Variants in KCNK5 observed in about 807,000 individuals in gnomAD.
KCNK5 encodes the protein potassium channel subfamily K member 5.
KCNK5 carries 18 observed loss-of-function variants against 32.9 expected under a neutral mutation model. The observed-to-expected ratio is 0.55, with a 90% confidence interval of 0.38 to 0.81. The LOEUF (loss-of-function observed/expected upper bound fraction) is 0.81. Ranked by LOEUF, KCNK5 falls within the 30% of genes least tolerant of loss-of-function variation. The pLI, the probability that KCNK5 is intolerant of heterozygous loss-of-function variation, is 0.00. For synonymous variants in KCNK5, 276 were observed against 275.3 expected (o/e 1.00, Z -0.03); for missense variants, 507 against 651.0 (o/e 0.78, Z 2.41).
At chr6:39,211,918 C>T (rs572951329) in intron 1 of KCNK5, among the ~76,000 whole-genome samples, 1 of 151,736 alleles carries the variant, frequency 6.6e-6, no homozygotes, top group Non-Finnish European at 1.5e-5. Context: ...GAGCTGAGAT[C>T]GTACCATTGC....
chr6:39,207,273 T>C (rs1011114827), intron 1 of KCNK5, among the ~76,000 whole-genome samples: 1 of 152,236 alleles, frequency 6.6e-6, no homozygotes, highest in Non-Finnish European at 1.5e-5. Context: ...ACTAGGCATC[T>C]GTTTCTCTGG....
At chr6:39,193,295 C>G (rs1347115804) in intron 4 of KCNK5, among the ~76,000 whole-genome samples, 1 of 152,200 alleles carries the variant, frequency 6.6e-6, no homozygotes, top group Non-Finnish European at 1.5e-5. Flanking sequence ...CCGGACTTGG[C>G]AGGGTCAGGG....
intron 1 of KCNK5, among the ~76,000 whole-genome samples, chr6:39,209,392 C>T (rs575633658): frequency 6.6e-6 from 1 of 152,308 alleles, no homozygotes; most frequent in South Asian, 2.1e-4. Context: ...TATGCATTGC[C>T]CCCGCCCACC....
intron 1 of KCNK5, among the ~76,000 whole-genome samples, chr6:39,219,077 C>G: frequency 6.6e-6 from 1 of 152,192 alleles, no homozygotes; most frequent in Non-Finnish European, 1.5e-5. Flanking sequence ...TCCTTGAAAG[C>G]AAAAACCACG....
rs369438047 is a variant in KCNK5 at position 39,194,720 on chromosome 6, G to A, written c.339C>T (p.Leu113=). The A allele has an allele frequency of 1.2e-6, 2 of 1,614,140 alleles. No individual in the cohort carries two copies. Among genetic ancestry groups the A allele is most frequent in the Non-Finnish European group, 1.7e-6 (2 of 1,180,040 alleles). The change falls in exon 3 of 5, where the codon CTC becomes CTT. Residue 113 remains leucine (L), a synonymous_variant. Coordinates refer to ENST00000359534, the MANE Select transcript of KCNK5 (RefSeq NM_003740.4). This position sits in a 1 kb window ranked among gnomAD's most constrained non-coding sequence, Gnocchi z 4.7. ...NVAPKTPAGR[L]FCVFYGLFGV... ...CGAAGAGACCATAGAAAACACAGAA[G>A]AGGCGACCGGCGGGGGTCTTGGGAG...
At position 39,191,427 on chromosome 6, in the gene KCNK5, C is replaced by G. The variant is rs199818193; in HGVS notation, c.963G>C (p.Thr321=). ...GAGGCCCCAGCCCTGGGCCCGGGCCCGTCTCCCCACCCCCGCTTGTCTTCA... is the reference window on the plus strand; with the variant it reads ...GAGGCCCCAGCCCTGGGCCCGGGCCGGTCTCCCCACCCCCGCTTGTCTTCA... ...KAMKTSGGGE[T]GPGPGLGPQG... The change falls in exon 5 of 5, where the codon ACG becomes ACC. Residue 321 remains threonine, a synonymous_variant. Coordinates refer to ENST00000359534, the MANE Select transcript of KCNK5 (RefSeq NM_003740.4). This position sits in a 1 kb window ranked among gnomAD's most constrained non-coding sequence, Gnocchi z 5.8. 1.2e-6 allele frequency: 2 copies of G among 1,613,216 alleles called. No homozygotes were observed. Among genetic ancestry groups the G allele is most frequent in the Non-Finnish European group, 8.5e-7 (1 of 1,179,926 alleles).
At position 39,212,797 on chromosome 6, in the gene KCNK5, G is replaced by A. The variant is rs147143615; in HGVS notation, c.186+16129C>T. Among the ~76,000 whole-genome samples, 165 of 152,306 alleles carry A rather than the reference G, an allele frequency of 1.1e-3. 1 individual carries two copies. The highest frequency in any genetic ancestry group is 3.8e-3 in the African/African-American group (159 of 41,562). On this transcript the variant is annotated intron_variant, in intron 1 of 4. Transcript: ENST00000359534. ...TGGTATACTACCTCCAACTTGGTCT[G>A]CAGACCAAAGGCTCACCTAGTTTCT...
chr6:39,227,804 G>A (rs1031334565), intron 1 of KCNK5, among the ~76,000 whole-genome samples: 4 of 152,092 alleles, frequency 2.6e-5, no homozygotes, highest in Non-Finnish European at 5.9e-5. Context: ...AATGAGCGAC[G>A]ACTAGATAGG....
chr6:39,194,147 G>A lies in KCNK5; in HGVS notation c.634+22C>T. 1 of 1,613,792 alleles carries A rather than the reference G, an allele frequency of 6.2e-7. No homozygotes were observed. Among genetic ancestry groups the A allele is most frequent in the South Asian group, 1.1e-5 (1 of 91,062 alleles). On this transcript the variant is annotated intron_variant, in intron 4 of 4. Coordinates refer to ENST00000359534, the MANE Select transcript of KCNK5 (RefSeq NM_003740.4). The surrounding 1 kb of genome is among the most constrained non-coding windows in gnomAD (Gnocchi z 4.7). ...AACCAAAGAAGCAGAAAAAGAGGTGGGAGGCAGAGGCAGGGACTCACCGGC... is the reference window on the plus strand; with the variant it reads ...AACCAAAGAAGCAGAAAAAGAGGTGAGAGGCAGAGGCAGGGACTCACCGGC...
chr6:39,224,447 T>A (rs1771615125), intron 1 of KCNK5, among the ~76,000 whole-genome samples: 1 of 152,182 alleles, frequency 6.6e-6, no homozygotes, highest in Non-Finnish European at 1.5e-5. Context: ...TGTCATATAT[T>A]TCATGGTTTT....
rs190030885 is a variant in KCNK5, at chr6:39,200,167, G to A, written c.187-4180C>T. On this transcript the variant is annotated intron_variant, in intron 1 of 4. Coordinates refer to ENST00000359534, the MANE Select transcript of KCNK5 (RefSeq NM_003740.4). Reference sequence around the variant, plus strand: ...GGGGTTAGGGAAACAGCTTTCGCGGGAGGAGGCGGCCCCTGTTCACTGGCT... The same window carrying A: ...GGGGTTAGGGAAACAGCTTTCGCGGAAGGAGGCGGCCCCTGTTCACTGGCT... Among the ~76,000 whole-genome samples, 23 of 152,336 alleles carry A rather than the reference G, an allele frequency of 1.5e-4. No homozygotes were observed. The East Asian group carries it at 4.1e-3, about 27-fold the overall frequency.
chr6:39,218,832 C>T (rs936049007), intron 1 of KCNK5, among the ~76,000 whole-genome samples: 2 of 152,172 alleles, frequency 1.3e-5, no homozygotes, highest in African/African-American at 4.8e-5. Flanking sequence ...TGGGCCTCCC[C>T]GCCAACTGCA....
Position 39,191,941 on chromosome 6 carries a change from C to T in KCNK5, c.635-186G>A, listed in dbSNP as rs1482226238. The stretch of plus-strand genomic sequence containing the variant: ...TTCCTCAAGGGCTTGGGCCTGCCAT[C>T]ATTCATGACCCCATCCCAGTCTCCA... On this transcript the variant is annotated intron_variant, in intron 4 of 4. Coordinates refer to ENST00000359534, the MANE Select transcript of KCNK5 (RefSeq NM_003740.4). This position sits in a 1 kb window ranked among gnomAD's most constrained non-coding sequence, Gnocchi z 5.8. Among the ~76,000 whole-genome samples, 1 of 152,112 alleles carries T rather than the reference C, an allele frequency of 6.6e-6. No individual in the cohort carries two copies. Among genetic ancestry groups the T allele is most frequent in the Non-Finnish European group, 1.5e-5 (1 of 68,028 alleles).
chr6:39,206,250 T>A (rs1422097572), intron 1 of KCNK5, among the ~76,000 whole-genome samples: 3 of 152,204 alleles, frequency 2.0e-5, no homozygotes, highest in African/African-American at 7.2e-5. Context: ...GCAGGGAATG[T>A]GCAGGTAGAC....
Position 39,194,212 on chromosome 6 carries a change from G to A in KCNK5, c.591C>T (p.Ser197=). 1 of 1,614,192 alleles carries A rather than the reference G, an allele frequency of 6.2e-7. No homozygotes were observed. Among genetic ancestry groups the A allele is most frequent in the Non-Finnish European group, 8.5e-7 (1 of 1,180,024 alleles). The change falls in exon 4 of 5, where the codon TCC becomes TCT. Residue 197 remains serine, a synonymous_variant. Transcript: ENST00000359534. The surrounding 1 kb of genome is among the most constrained non-coding windows in gnomAD (Gnocchi z 4.7). ...GWNYIEGLYY[S]FITISTIGFG... ...AGCCGATGGTGGAGATGGTGATGAA[G>A]GAGTAGTAGAGGCCCTCGATGTAGT...
intron 1 of KCNK5, among the ~76,000 whole-genome samples, chr6:39,213,215 G>C (rs959346316): frequency 5.3e-5 from 8 of 152,272 alleles, no homozygotes; most frequent in Middle Eastern, 3.4e-3. Context: ...TGTGGAAGTG[G>C]GTAATGGTAC....
chr6:39,208,535 C>A (rs1771270427), intron 1 of KCNK5, among the ~76,000 whole-genome samples: 1 of 152,252 alleles, frequency 6.6e-6, no homozygotes, highest in Non-Finnish European at 1.5e-5. Context: ...CGGCTGCAGT[C>A]CAAGCCCATT....
chr6:39,203,746 T>C (rs1249501926), intron 1 of KCNK5, among the ~76,000 whole-genome samples: 1 of 152,316 alleles, frequency 6.6e-6, no homozygotes, highest in Non-Finnish European at 1.5e-5. Flanking sequence ...GGTCCCCAAC[T>C]GCAGATATTC....
At chr6:39,198,736 T>C (rs534470642) in intron 1 of KCNK5, among the ~76,000 whole-genome samples, 113 of 152,256 alleles carry the variant, frequency 7.4e-4, no homozygotes, top group African/African-American at 2.6e-3. Context: ...GGTCAGGCCA[T>C]ATATGGGGCA....
Sources: gnomAD v4.1 joint callset for allele counts (sites outside exome capture counted in the v4.1 genomes callset) on GRCh38, gnomAD v4.1.1 for gene constraint, Gnocchi (gnomAD v3.1) non-coding constraint, MANE v1.5 for transcripts, NCBI Gene and HGNC (gene_info 2026-07-23, HGNC 2026-07-21) for gene names.